ZNF644: variants seen among roughly 807,000 people sequenced by gnomAD.
ZNF644 encodes the protein zinc finger motif enhancer binding protein 2.
ZNF644 carries 20 observed loss-of-function variants against 108.0 expected under a neutral mutation model. That is an observed-to-expected ratio of 0.19 (90% confidence interval 0.13 to 0.27). The LOEUF is 0.27. Among genes scored for constraint, ZNF644 ranks in the 10% least tolerant of loss-of-function variants. The pLI is 1.00. For synonymous variants in ZNF644, 542 were observed against 539.1 expected, an observed-to-expected ratio of 1.01 and a Z score of -0.08; for missense variants, 1,338 against 1,548.9, an observed-to-expected ratio of 0.86 and a Z score of 2.29.
At chr1:90,933,440 C>T (rs1570363046) in intron 4 of ZNF644, among the ~76,000 whole-genome samples, 1 of 152,100 alleles carries the variant, frequency 6.6e-6, no homozygotes, top group East Asian at 1.9e-4. Context: ...GGCGGGCAGA[C>T]TGCCTGAGGT....
chr1:90,964,466 T>C (rs1436240098), intron 2 of ZNF644, among the ~76,000 whole-genome samples: 1 of 152,138 alleles, frequency 6.6e-6, no homozygotes, highest in Non-Finnish European at 1.5e-5. Flanking sequence ...ATTTTTATAT[T>C]CCATGACATT....
At chr1:90,992,336 A>G (rs1657719725) in intron 1 of ZNF644, among the ~76,000 whole-genome samples, 1 of 152,172 alleles carries the variant, frequency 6.6e-6, no homozygotes, top group African/African-American at 2.4e-5. Flanking sequence ...GAACAAATAG[A>G]AAAAAGTCAA....
At chr1:91,005,602 G>A (rs1659340750) in intron 1 of ZNF644, among the ~76,000 whole-genome samples, 2 of 152,058 alleles carry the variant, frequency 1.3e-5, no homozygotes, top group African/African-American at 4.8e-5. Context: ...ACAATGGAAT[G>A]AAACTAGAAA....
intron 1 of ZNF644, among the ~76,000 whole-genome samples, chr1:91,009,701 T>C (rs1340564737): frequency 6.7e-6 from 1 of 148,374 alleles, no homozygotes; most frequent in Non-Finnish European, 1.5e-5. Context: ...CCTTAAATAT[T>C]TTTTACTTAG....
intron 2 of ZNF644, among the ~76,000 whole-genome samples, chr1:90,957,951 A>T (rs1438602206): frequency 6.6e-6 from 1 of 152,236 alleles, no homozygotes; most frequent in Non-Finnish European, 1.5e-5. Flanking sequence ...AACATGCAAA[A>T]ATCAGTTGTG....
chr1:91,006,268 G>A (rs547709992), intron 1 of ZNF644, among the ~76,000 whole-genome samples: 2 of 152,232 alleles, frequency 1.3e-5, no homozygotes, highest in South Asian at 2.1e-4. Flanking sequence ...AGCCAACCAC[G>A]GCGGACAGCA....
At chr1:90,948,148 A>G (rs937150350) in intron 2 of ZNF644, among the ~76,000 whole-genome samples, 1 of 152,234 alleles carries the variant, frequency 6.6e-6, no homozygotes, top group African/African-American at 2.4e-5. Flanking sequence ...CACAACAATT[A>G]TCAAGACATA....
intron 2 of ZNF644, among the ~76,000 whole-genome samples, chr1:90,969,658 A>T (rs986071925): frequency 6.6e-6 from 1 of 152,126 alleles, no homozygotes; most frequent in African/African-American, 2.4e-5. Flanking sequence ...TTAGTTATCA[A>T]ATCAACTGTC....
At chr1:90,999,420 G>C (rs1199803672) in intron 1 of ZNF644, among the ~76,000 whole-genome samples, 3 of 152,144 alleles carry the variant, frequency 2.0e-5, no homozygotes, top group Non-Finnish European at 2.9e-5. Flanking sequence ...TTTCAACCCA[G>C]AATTTCATAG....
chr1:90,955,813 G>A (rs1653696516), intron 2 of ZNF644, among the ~76,000 whole-genome samples: 1 of 152,208 alleles, frequency 6.6e-6, no homozygotes, highest in African/African-American at 2.4e-5. Flanking sequence ...GCTCACTGGA[G>A]TAGTACTTTT....
chr1:90,962,765 T>C (rs1028929450), intron 2 of ZNF644, among the ~76,000 whole-genome samples: 1 of 151,968 alleles, frequency 6.6e-6, no homozygotes, highest in Non-Finnish European at 1.5e-5. Flanking sequence ...AAACTAAACA[T>C]GTATTCACAC....
chr1:90,929,668 T>C (rs535672624), intron 4 of ZNF644, among the ~76,000 whole-genome samples: 2 of 152,324 alleles, frequency 1.3e-5, no homozygotes, highest in Admixed American at 6.5e-5. Flanking sequence ...AGTGCTCCCA[T>C]AGCACTTTCC....
At chr1:90,963,929 T>C (rs1654582134) in intron 2 of ZNF644, among the ~76,000 whole-genome samples, 2 of 152,126 alleles carry the variant, frequency 1.3e-5, no homozygotes, top group African/African-American at 4.8e-5. Context: ...TGTATTTAAA[T>C]TTTTAAAAAG....
At position 91,021,997 on chromosome 1, in the gene ZNF644, T is replaced by A. The variant is rs1044117849; in HGVS notation, c.-25A>T. On this transcript the variant is annotated 5_prime_UTR_variant, in exon 1 of 6. Transcript: ENST00000337393. ...ATAACCCCTGAAACTCACAGTTTGG[T>A]GCCGTGTGCGTCAAACCGGGGCGAC... The A allele has an allele frequency of 4.3e-5, 17 of 398,780 alleles. No homozygotes were observed. Among genetic ancestry groups the A allele is most frequent in the Non-Finnish European group, 4.9e-5 (11 of 226,000 alleles). The allele number at this position is 398,780 out of a possible 1,614,324, so 24.7% of individuals were successfully genotyped here.
intron 1 of ZNF644, among the ~76,000 whole-genome samples, chr1:90,991,683 A>G (rs1270943234): frequency 7.9e-5 from 12 of 152,134 alleles, no homozygotes; most frequent in Non-Finnish European, 1.5e-4. Context: ...AAGGGGGGGA[A>G]GTGCTACACA....
Position 90,918,065 on chromosome 1 carries a change from T to G in ZNF644, c.3778A>C (p.Ile1260Leu). Residue 1260 changes from isoleucine (I) to leucine (L), a missense_variant, in exon 5 of 6, where the codon ATT becomes CTT. Physicochemically the swap from Ile to Leu is conservative, Grantham distance 5. Coordinates refer to ENST00000337393, the MANE Select transcript of ZNF644 (RefSeq NM_201269.3). ...ATAGGCATATACCTGCATCGGAGAA[T>G]GTAAACCTCGTCAGCACCATGAGGT... ...TLPHGADEVY[I>L]LRCRFCGLVF... is the part of the protein sequence containing the mutation. 2 of 1,613,970 alleles carry G rather than the reference T, an allele frequency of 1.2e-6. No individual in the cohort carries two copies. The highest frequency in any genetic ancestry group is 1.7e-6 in the Non-Finnish European group (2 of 1,179,892).
intron 4 of ZNF644, among the ~76,000 whole-genome samples, chr1:90,936,811 A>C (rs1651366123): frequency 6.6e-6 from 1 of 152,180 alleles, no homozygotes; most frequent in African/African-American, 2.4e-5. Context: ...AAAAGGAAAA[A>C]ACTATTGGTG....
chr1:90,965,299 T>C (rs1015060812), intron 2 of ZNF644, among the ~76,000 whole-genome samples: 2 of 152,202 alleles, frequency 1.3e-5, no homozygotes, highest in East Asian at 3.8e-4. Flanking sequence ...AGATTTCTTC[T>C]TGGCCTGTAG....
chr1:90,918,420 C>G (rs1031578763), intron 4 of ZNF644: 1 of 366,966 alleles, frequency 2.7e-6, no homozygotes, highest in Non-Finnish European at 5.0e-6. Flanking sequence ...TTTACCACAC[C>G]AAACTAGAAC....
Sources: gnomAD v4.1 joint callset for allele counts (sites outside exome capture counted in the v4.1 genomes callset) on GRCh38, gnomAD v4.1.1 for gene constraint, MANE v1.5 for transcripts, NCBI Gene and HGNC (gene_info 2026-07-23, HGNC 2026-07-21) for gene names.